The following KDM4B variants were observed in gnomAD, a reference collection of about 807,000 sequenced individuals.
KDM4B encodes lysine-specific demethylase 4B.
KDM4B carries 32 observed loss-of-function variants against 125.2 expected under a neutral mutation model. The ratio of observed to expected loss-of-function variants is 0.26; its 90% CI spans 0.19 to 0.34. KDM4B has a LOEUF of 0.34. KDM4B is among the 10% of genes least tolerant of loss of function. KDM4B has a pLI of 1.00. For missense variants in KDM4B, 1,190 were observed against 1,577.7 expected (o/e 0.75, Z 4.16); for synonymous variants, 721 against 677.9 (o/e 1.06, Z -0.99).
intron 9 of KDM4B, among the ~76,000 whole-genome samples, chr19:5,088,297 AGCG>A (rs2038572334): frequency 6.6e-6 from 1 of 152,156 alleles, no homozygotes; most frequent in African/African-American, 2.4e-5. Flanking sequence ...TCCAGCTCTT[AGCG>A]GCTCCTGCAA....
chr19:5,031,907 G>A (rs1435957391), intron 2 of KDM4B, among the ~76,000 whole-genome samples: 3 of 152,222 alleles, frequency 2.0e-5, no homozygotes, highest in South Asian at 4.1e-4. Flanking sequence ...GATCACTTTG[G>A]GGGTCACAGC....
intron 3 of KDM4B, among the ~76,000 whole-genome samples, chr19:5,038,882 C>T (rs1035873833): frequency 6.6e-6 from 1 of 152,258 alleles, no homozygotes; most frequent in East Asian, 1.9e-4. Flanking sequence ...CCTGCACTTC[C>T]TGTTGGCTCA....
In KDM4B at chr19:5,141,716, C is replaced by T. The variant is rs747624887; in HGVS notation, c.2551-2251C>T. On this transcript the variant is annotated intron_variant, in intron 18 of 22. Transcript: ENST00000159111. This position sits in a 1 kb window ranked among gnomAD's most constrained non-coding sequence, Gnocchi z 6.4. Reference sequence around the variant, plus strand: ...GGTGAGTCAGGGGGCTCCGGCTGGCCGCCCGCCTGGGCCAAGTTATCACCA... The same window carrying T: ...GGTGAGTCAGGGGGCTCCGGCTGGCTGCCCGCCTGGGCCAAGTTATCACCA... 7.2e-5 allele frequency among the ~76,000 whole-genome samples: 11 copies of T among 152,206 alleles called. No homozygotes were observed. Among genetic ancestry groups the T allele is most frequent in the Non-Finnish European group, 1.0e-4 (7 of 68,032 alleles).
In KDM4B at chr19:4,997,063, C is replaced by G. The variant is rs909795016; in HGVS notation, c.-108-19194C>G. Among the ~76,000 whole-genome samples the G allele has an allele frequency of 2.6e-5, 4 of 152,156 alleles. No homozygotes were observed. The highest frequency in any genetic ancestry group is 9.7e-5 in the African/African-American group (4 of 41,420). ...GGGTTCTTTGCATCCCTGGCCTCCACCCCCTCCACGCCAGCACCACCCTCA... is the reference window on the plus strand; with the variant it reads ...GGGTTCTTTGCATCCCTGGCCTCCAGCCCCTCCACGCCAGCACCACCCTCA... On this transcript the variant is annotated intron_variant, in intron 1 of 22. Transcript: ENST00000159111. This position sits in a 1 kb window ranked among gnomAD's most constrained non-coding sequence, Gnocchi z 4.2.
chr19:5,005,981 T>G (rs1447457049), intron 1 of KDM4B, among the ~76,000 whole-genome samples: 1 of 152,094 alleles, frequency 6.6e-6, no homozygotes, highest in African/African-American at 2.4e-5. Flanking sequence ...CGTGCTGCAC[T>G]TCAGGGCCTC....
chr19:5,080,057 C>G (rs1380554662), intron 8 of KDM4B, among the ~76,000 whole-genome samples: 2 of 152,242 alleles, frequency 1.3e-5, no homozygotes, highest in Non-Finnish European at 1.5e-5. Context: ...GTTCCCCCCC[C>G]ACCCCTATTT....
At chr19:5,023,180 C>T (rs1599437189) in intron 2 of KDM4B, among the ~76,000 whole-genome samples, 1 of 152,088 alleles carries the variant, frequency 6.6e-6, no homozygotes, top group African/African-American at 2.4e-5. Context: ...GCTGTGGCTG[C>T]GGAGGTGGAG....
At chr19:5,119,340 C>T (rs971091509) in intron 10 of KDM4B, 91 of 713,618 alleles carry the variant, frequency 1.3e-4, no homozygotes, top group Admixed American at 2.0e-4. Context: ...CGCCCCGTCC[C>T]GCCCGTCATC....
At chr19:5,147,789 G>T (rs1047404128) in intron 21 of KDM4B, among the ~76,000 whole-genome samples, 1 of 152,126 alleles carries the variant, frequency 6.6e-6, no homozygotes, top group Non-Finnish European at 1.5e-5. Flanking sequence ...GCTCGGGGCG[G>T]GGGGGCAGAG....
At position 5,082,228 on chromosome 19, in the gene KDM4B, C is replaced by G. The variant is rs186073753; in HGVS notation, c.781-139C>G. The G allele has an allele frequency of 6.2e-6, 6 of 960,974 alleles. No homozygotes were observed. In the Admixed American group the frequency reaches 8.1e-5, roughly 13 times the overall value. 59.5% of individuals were successfully genotyped at this position (960,974 alleles called of 1,614,324 possible). A position where few individuals can be genotyped will look rare whatever the true frequency, so the allele number is the denominator to read the frequency against. On this transcript the variant is annotated intron_variant, in intron 8 of 22. Coordinates refer to ENST00000159111, the MANE Select transcript of KDM4B (RefSeq NM_015015.3). The surrounding 1 kb of genome is among the most constrained non-coding windows in gnomAD (Gnocchi z 5.4). The stretch of plus-strand genomic sequence containing the variant: ...GCTGGAGCCCTGGAGCCCCTGGAGC[C>G]GCTGGATCACCTTTGACTTTGTGAA...
At chr19:4,982,452 CAAA>C (rs773410154) in intron 1 of KDM4B, among the ~76,000 whole-genome samples, 6 of 53,610 alleles carry the variant, frequency 1.1e-4, no homozygotes, top group Non-Finnish European at 1.3e-4. Flanking sequence ...GACTCCGTCT[CAAA>C]AAAAAAAAAA....
chr19:5,004,861 A>G (rs562982721), intron 1 of KDM4B, among the ~76,000 whole-genome samples: 1 of 152,206 alleles, frequency 6.6e-6, no homozygotes, highest in African/African-American at 2.4e-5. Flanking sequence ...GCCTGACCCC[A>G]GAGACATGCA....
At chr19:5,032,189 G>A (rs778284121) in intron 2 of KDM4B, among the ~76,000 whole-genome samples, 11 of 152,248 alleles carry the variant, frequency 7.2e-5, no homozygotes, top group Non-Finnish European at 1.0e-4. Flanking sequence ...GTTTCCAGGC[G>A]GGTGCCGTCA....
intron 1 of KDM4B, among the ~76,000 whole-genome samples, chr19:5,012,988 G>A (rs898182261): frequency 3.9e-5 from 6 of 152,222 alleles, no homozygotes; most frequent in African/African-American, 1.4e-4. Flanking sequence ...CATCTATTGC[G>A]GATGGGGACC....
At chr19:5,032,180 T>G (rs1299330875) in intron 2 of KDM4B, among the ~76,000 whole-genome samples, 1 of 152,222 alleles carries the variant, frequency 6.6e-6, no homozygotes, top group Non-Finnish European at 1.5e-5. Flanking sequence ...GACTCCGATG[T>G]TTCCAGGCGG....
At chr19:5,016,811 C>T (rs2035906287) in intron 2 of KDM4B, among the ~76,000 whole-genome samples, 1 of 152,228 alleles carries the variant, frequency 6.6e-6, no homozygotes, top group African/African-American at 2.4e-5. Context: ...CATGGCCCAG[C>T]CGCCCCGGGT....
At chr19:5,045,275 C>A (rs982637763) in intron 5 of KDM4B, among the ~76,000 whole-genome samples, 1 of 152,256 alleles carries the variant, frequency 6.6e-6, no homozygotes, top group Non-Finnish European at 1.5e-5. Flanking sequence ...ATTGCCATTT[C>A]AATCTGCATT....
chr19:4,987,002 G>A (rs2034857595), intron 1 of KDM4B, among the ~76,000 whole-genome samples: 1 of 151,792 alleles, frequency 6.6e-6, no homozygotes. Flanking sequence ...TGTCGCCTAG[G>A]CTGGAGCGTA....
At chr19:5,128,612 C>G (rs73546232) in intron 11 of KDM4B, among the ~76,000 whole-genome samples, 1 of 152,160 alleles carries the variant, frequency 6.6e-6, no homozygotes, top group Admixed American at 6.5e-5. Context: ...GACAGGCGCT[C>G]GGGGTGAGGC....
Sources: allele counts gnomAD v4.1 joint callset (sites outside exome capture counted in the v4.1 genomes callset), GRCh38; gene constraint gnomAD v4.1.1; non-coding constraint Gnocchi (gnomAD v3.1); transcripts MANE v1.5; gene names NCBI Gene and HGNC (gene_info 2026-07-23, HGNC 2026-07-21).